The following AHNAK2 variants were observed in gnomAD, a reference collection of about 807,000 sequenced individuals.
AHNAK2 encodes AHNAK nucleoprotein 2.
AHNAK2 carries 18 observed loss-of-function variants against 30.7 expected under a neutral mutation model. The ratio of observed to expected loss-of-function variants is 0.59; its 90% CI spans 0.41 to 0.87. The LOEUF is 0.87. Ranked by LOEUF, AHNAK2 falls within the 40% of genes least tolerant of loss-of-function variation. AHNAK2 has a pLI of 0.00. For synonymous variants in AHNAK2, 3,590 were observed against 3,073.8 expected, an observed-to-expected ratio of 1.17 and a Z score of -5.56; for missense variants, 8,604 against 7,373.0, an observed-to-expected ratio of 1.17 and a Z score of -6.11.
chr14:104,954,812 G>A lies in AHNAK2; in HGVS notation c.652-13C>T. ...CAACATCCGTGTCCTGAAACATAGG[G>A]AGAGGGAATCTGTTGGTGCCAGTCC... On this transcript the variant is annotated splice_polypyrimidine_tract_variant and intron_variant, in intron 6 of 6. Transcript: ENST00000333244. The surrounding 1 kb of genome is among the most constrained non-coding windows in gnomAD (Gnocchi z 4.3). 1 of 1,550,406 alleles carries A rather than the reference G, an allele frequency of 6.4e-7. No homozygotes were observed. The highest frequency in any genetic ancestry group is 8.7e-7 in the Non-Finnish European group (1 of 1,150,192).
In AHNAK2 at chr14:104,948,250, G is replaced by T; in HGVS notation, c.7201C>A (p.Leu2401Met). The T allele has an allele frequency of 6.2e-7, 1 of 1,612,668 alleles. No individual in the cohort carries two copies. The highest frequency in any genetic ancestry group is 8.5e-7 in the Non-Finnish European group (1 of 1,179,556). ...AAACTGGGCATCTGCAGCTTGGGCA[G>T]GTGCCCTTTGAGGCCGGCTCCCTCC... ...VPEGAGLKGH[L>M]PKLQMPSFKM... The change falls in exon 7 of 7, where the codon CTG becomes ATG. Residue 2401 changes from leucine (L) to methionine (M), a missense_variant. Transcript: ENST00000333244.
intron 1 of AHNAK2, among the ~76,000 whole-genome samples, chr14:104,974,769 A>G (rs929893875): frequency 3.9e-5 from 6 of 152,206 alleles, no homozygotes; most frequent in Non-Finnish European, 7.3e-5. Flanking sequence ...ACCATCCCTG[A>G]GCGCAGGGTC....
chr14:104,940,916 G>T lies in AHNAK2; in HGVS notation c.14535C>A (p.His4845Gln), dbSNP rs74090119. 4,162 of 1,612,666 alleles carry T rather than the reference G, an allele frequency of 2.6e-3. 93 individuals are homozygous for T. The African/African-American group carries it at 0.049, about 19-fold the overall frequency. Reference sequence around the variant, plus strand: ...GAATCATGGAATTCAGTGGGCCAGAGTGACTCTCAGCTTGAGATGTTGGAA... The same window carrying T: ...GAATCATGGAATTCAGTGGGCCAGATTGACTCTCAGCTTGAGATGTTGGAA... ...EGVPTSQAES[H>Q]SGPLNSMIPV... Residue 4845 changes from histidine (H) to glutamine (Q), a missense_variant, in exon 7 of 7, where the codon CAC becomes CAA. By Grantham distance (24) the His-to-Gln change is conservative. Coordinates refer to ENST00000333244, the MANE Select transcript of AHNAK2 (RefSeq NM_138420.4). The surrounding 1 kb of genome is among the most constrained non-coding windows in gnomAD (Gnocchi z 4.4).
In AHNAK2 at chr14:104,953,931, C is replaced by T. The variant is rs1437160293; in HGVS notation, c.1520G>A (p.Arg507His). The change falls in exon 7 of 7, where the codon CGC (arginine) becomes CAC (histidine). Residue 507 changes from arginine to histidine, a missense_variant. Transcript: ENST00000333244. The part of the protein sequence containing the change: ...STEKEPERER[R>H]LSTPQRGKRQ... The stretch of plus-strand genomic sequence containing the variant: ...CTTCCCTCGCTGTGGGGTACTAAGG[C>T]GCCTTTCTCTTTCTGGCTCTTTTTC... 9 of 1,613,858 alleles carry T rather than the reference C, an allele frequency of 5.6e-6. No homozygotes were observed. The highest frequency in any genetic ancestry group is 1.7e-5 in the Admixed American group (1 of 60,004).
At chr14:104,961,447 G>A (rs1415592664) in intron 1 of AHNAK2, among the ~76,000 whole-genome samples, 2 of 151,584 alleles carry the variant, frequency 1.3e-5, no homozygotes, top group Non-Finnish European at 1.5e-5. Flanking sequence ...CCCGGGGGGC[G>A]GAGCCTGCAG....
rs781474770 is a variant in AHNAK2, at chr14:104,951,970, T to G, written c.3481A>C (p.Ser1161Arg). The G allele has an allele frequency of 6.2e-7, 1 of 1,612,054 alleles. No individual in the cohort carries two copies. Among genetic ancestry groups the G allele is most frequent in the Non-Finnish European group, 8.5e-7 (1 of 1,179,308 alleles). ...LADKDVTAKD[S>R]RFKMPKFKMP... The stretch of plus-strand genomic sequence containing the variant: ...TTGAACTTGGGCATTTTGAACCTGC[T>G]GTCTTTGGCAGTCACATCCTTGTCG... The change falls in exon 7 of 7, where the codon AGC becomes CGC. Residue 1161 changes from serine to arginine, a missense_variant. Physicochemically the swap from Ser to Arg is moderately radical, Grantham distance 110. Transcript: ENST00000333244.
rs773133636 is a variant in AHNAK2, at chr14:104,948,287, C to T, written c.7164G>A (p.Glu2388=). ...GGCCGGCTCCCTCCGGCACGGGGCC[C>T]TCTGGGAGTTTCACATCCACTTGGC... ...QAGQVDVKLP[E]GPVPEGAGLK... Residue 2388 remains glutamate (E), a synonymous_variant, in exon 7 of 7, where the codon GAG becomes GAA. Coordinates refer to ENST00000333244, the MANE Select transcript of AHNAK2 (RefSeq NM_138420.4). 5 of 1,612,522 alleles carry T rather than the reference C, an allele frequency of 3.1e-6. No homozygotes were observed. The South Asian group carries it at 3.3e-5, about 11-fold the overall frequency.
At chr14:104,957,720 G>A (rs947637698) in intron 1 of AHNAK2, 48 bp from the exon 2 acceptor site, 53 of 1,576,948 alleles carry the variant, frequency 3.4e-5, no homozygotes, top group Middle Eastern at 1.8e-4. Flanking sequence ...TGGGGGAGCA[G>A]ATCGGGGCCC....
chr14:104,950,783 T>C lies in AHNAK2; in HGVS notation c.4668A>G (p.Gln1556=), dbSNP rs376632420. ...PSADLEVQAG[Q]VDVKLPEGPV... is the part of the protein sequence containing the mutation. The stretch of plus-strand genomic sequence containing the variant: ...GGCCCTCTGGGAGTTTCACGTCCAC[T>C]TGGCCAGCCTGGACCTCCAGGTCAG... The change falls in exon 7 of 7, where the codon CAA becomes CAG. Residue 1556 remains glutamine (Q), a synonymous_variant. Coordinates refer to ENST00000333244, the MANE Select transcript of AHNAK2 (RefSeq NM_138420.4). 2.4e-4 allele frequency: 388 copies of C among 1,586,194 alleles called. 41 individuals carry two copies. The highest frequency in any genetic ancestry group is 1.5e-3 in the Middle Eastern group (9 of 6,024).
Position 104,947,762 on chromosome 14 carries a change from T to A in AHNAK2, c.7689A>T (p.Lys2563Asn), listed in dbSNP as rs531053158. The A allele has an allele frequency of 1.9e-6, 3 of 1,612,734 alleles. No individual in the cohort carries two copies. The African/African-American group carries it at 4.0e-5, about 22-fold the overall frequency. ...GCATCTGCACCTTGGGCAGGTGCCC[T>A]TTGAGGCCGGCTCCCTCCGGCACAG... ...EGPVPEGAGL[K>N]GHLPKVQMPS... is the part of the protein sequence containing the mutation. Residue 2563 changes from lysine to asparagine, a missense_variant, in exon 7 of 7, where the codon AAA becomes AAT. Lys to Asn is a moderately conservative substitution (Grantham distance 94). Transcript: ENST00000333244.
At chr14:104,971,813 G>A (rs1290319460) in intron 1 of AHNAK2, among the ~76,000 whole-genome samples, 2 of 152,272 alleles carry the variant, frequency 1.3e-5, no homozygotes, top group Non-Finnish European at 2.9e-5. Flanking sequence ...CCAGCCCTGT[G>A]CCCATAGCCT....
At position 104,938,648 on chromosome 14, in the gene AHNAK2, G is replaced by T. The variant is rs775813968; in HGVS notation, c.16803C>A (p.Asp5601Glu). The change falls in exon 7 of 7, where the codon GAC (aspartate) becomes GAA (glutamate). Residue 5601 changes from aspartate (D) to glutamate (E), a missense_variant. Coordinates refer to ENST00000333244, the MANE Select transcript of AHNAK2 (RefSeq NM_138420.4). ...CTGCTGGCTCCTCATCTGAACAGCT[G>T]TCTGCAAGCTGGTGGCCAGAAGGAA... ...FEVPSGHQLA[D>E]SCSDEEPAEI... is the part of the protein sequence containing the mutation. The T allele has an allele frequency of 1.2e-6, 2 of 1,612,344 alleles. No homozygotes were observed. Among genetic ancestry groups the T allele is most frequent in the East Asian group, 4.5e-5 (2 of 44,872 alleles).
chr14:104,942,991 C>A lies in AHNAK2; in HGVS notation c.12460G>T (p.Ala4154Ser), dbSNP rs764199983. The change falls in exon 7 of 7, where the codon GCG (alanine) becomes TCG (serine). Residue 4154 changes from alanine (A) to serine (S), a missense_variant. By Grantham distance (99) the Ala-to-Ser change is moderately conservative. Coordinates refer to ENST00000333244, the MANE Select transcript of AHNAK2 (RefSeq NM_138420.4). ...GVSAPGKSMEASVDVSELKAK... is the reference protein window; with the variant it reads ...GVSAPGKSMESSVDVSELKAK... ...TTCAGCTCAGACACATCCACGGACGCCTCCATGGACTTGCCTGGGGCCGAC... is the reference window on the plus strand; with the variant it reads ...TTCAGCTCAGACACATCCACGGACGACTCCATGGACTTGCCTGGGGCCGAC... 1 of 1,613,268 alleles carries A rather than the reference C, an allele frequency of 6.2e-7. No individual in the cohort carries two copies. Among genetic ancestry groups the A allele is most frequent in the Non-Finnish European group, 8.5e-7 (1 of 1,179,610 alleles).
rs556940298 is a variant in AHNAK2 at position 104,943,754 on chromosome 14, G to A, written c.11697C>T (p.Val3899=). 16 of 1,604,162 alleles carry A rather than the reference G, an allele frequency of 1.0e-5. No homozygotes were observed. Among genetic ancestry groups the A allele is most frequent in the African/African-American group, 4.1e-5 (3 of 72,810 alleles). ...VQMPSFKMPK[V]DLKGPEIDIK... is the part of the protein sequence containing the mutation. ...TGTCTATTTCAGGGCCCTTGAGGTC[G>A]ACTTTGGGCATCTTGAAACTGGGCA... The change falls in exon 7 of 7, where the codon GTC becomes GTT. Residue 3899 remains valine, a synonymous_variant. Transcript: ENST00000333244.
chr14:104,977,499 G>A (rs946299606), intron 1 of AHNAK2, among the ~76,000 whole-genome samples: 1 of 152,156 alleles, frequency 6.6e-6, no homozygotes, highest in African/African-American at 2.4e-5. Context: ...CAGCACTGCG[G>A]GACCCTGTGG....
chr14:104,974,538 G>A (rs769912402), intron 1 of AHNAK2, among the ~76,000 whole-genome samples: 1 of 152,178 alleles, frequency 6.6e-6, no homozygotes, highest in Non-Finnish European at 1.5e-5. Context: ...GTCTCCATTG[G>A]GCCAGTTGTC....
At position 104,978,336 on chromosome 14, in the gene AHNAK2, C is replaced by CCGCTGCCCTG. The variant is rs2140887841; in HGVS notation, c.-109_-100dup. On this transcript the variant is annotated 5_prime_UTR_variant, in exon 1 of 7. Coordinates refer to ENST00000333244, the MANE Select transcript of AHNAK2 (RefSeq NM_138420.4). ...GGGCGGGCGGGAGCCGCGCTCTGCC[C>CCGCTGCCCTG]CGCTGCCCTGCGCTGCCGCGGGCGG... 1.2e-6 allele frequency: 1 copy of CCGCTGCCCTG among 842,584 alleles called. No homozygotes were observed. The highest frequency in any genetic ancestry group is 1.5e-6 in the Non-Finnish European group (1 of 683,428). The allele number at this position is 842,584 out of a possible 1,614,324, so 52.2% of individuals were successfully genotyped here. A position where few individuals can be genotyped will look rare whatever the true frequency, so the allele number is the denominator to read the frequency against.
At position 104,956,592 on chromosome 14, in the gene AHNAK2, GGAC is replaced by G. The variant is rs1898980685; in HGVS notation, c.308_310del (p.Arg103del). The G allele has an allele frequency of 6.2e-7, 1 of 1,613,662 alleles. No individual in the cohort carries two copies. ...CTCAGCTCCTGCTGTACCCACCTCT[GGAC>G]GACTCATCCTGAAAAATGTCCGTGA... On this transcript the variant is annotated inframe_deletion, in exon 4 of 7. Transcript: ENST00000333244.
At position 104,942,912 on chromosome 14, in the gene AHNAK2, T is replaced by A. The variant is rs543021317; in HGVS notation, c.12539A>T (p.Asp4180Val). ...GGCGGAAGGGGACTGAATGCTGAGG[T>A]CAGTGGTCTTGAGGTCCCCCTGCAT... ...PSMQGDLKTT[D>V]LSIQSPSADL... The change falls in exon 7 of 7, where the codon GAC becomes GTC. Residue 4180 changes from aspartate (D) to valine (V), a missense_variant. Asp to Val is a radical substitution (Grantham distance 152, BLOSUM62 -3). Coordinates refer to ENST00000333244, the MANE Select transcript of AHNAK2 (RefSeq NM_138420.4). The A allele has an allele frequency of 3.7e-6, 6 of 1,612,726 alleles. No homozygotes were observed. The South Asian group carries it at 5.5e-5, about 15-fold the overall frequency.
Sources: gnomAD v4.1 joint callset for allele counts (sites outside exome capture counted in the v4.1 genomes callset) on GRCh38, gnomAD v4.1.1 for gene constraint, Gnocchi (gnomAD v3.1) non-coding constraint, MANE v1.5 for transcripts, NCBI Gene and HGNC (gene_info 2026-07-23, HGNC 2026-07-21) for gene names.